The following KCNAB2 variants were observed in gnomAD, a reference collection of about 807,000 sequenced individuals.
KCNAB2 encodes potassium voltage-gated channel subfamily A regulatory beta subunit 2.
KCNAB2 carries 29 observed loss-of-function variants against 63.6 expected under a neutral mutation model. The observed-to-expected ratio is 0.46, with a 90% CI of 0.34 to 0.62. The LOEUF (loss-of-function observed/expected upper bound fraction) is 0.62, where lower values mean the gene tolerates loss of function less well. Ranked by LOEUF, KCNAB2 falls within the 20% of genes least tolerant of loss-of-function variation. The pLI is 0.01. For synonymous variants in KCNAB2, 222 were observed against 224.2 expected (o/e 0.99, Z 0.09); for missense variants, 359 against 563.9 (o/e 0.64, Z 3.68).
chr1:6,060,286 C>T (rs1662202282), intron 2 of KCNAB2, among the ~76,000 whole-genome samples: 2 of 152,234 alleles, frequency 1.3e-5, no homozygotes, highest in African/African-American at 4.8e-5. Flanking sequence ...ACACGGGTGG[C>T]TCAGGCCTTT....
At chr1:6,081,450 C>A (rs570984238) in intron 4 of KCNAB2, among the ~76,000 whole-genome samples, 1 of 152,358 alleles carries the variant, frequency 6.6e-6, no homozygotes, top group African/African-American at 2.4e-5. Flanking sequence ...CAGCAACATC[C>A]ACAGAGCCCC....
intron 5 of KCNAB2, among the ~76,000 whole-genome samples, chr1:6,082,800 C>G (rs369824406): frequency 3.3e-5 from 5 of 152,222 alleles, no homozygotes; most frequent in Non-Finnish European, 5.9e-5. Context: ...TCTCCTGCAT[C>G]GGGTTTCCAG....
chr1:6,070,298 C>T (rs1208484835), intron 2 of KCNAB2, among the ~76,000 whole-genome samples: 1 of 152,234 alleles, frequency 6.6e-6, no homozygotes, highest in African/African-American at 2.4e-5. Flanking sequence ...ATCAGAACCT[C>T]CAGCCCTTTG....
rs1161740317 is a variant in KCNAB2 at position 6,086,422 on chromosome 1, C to G, written c.426-1045C>G. On this transcript the variant is annotated intron_variant, in intron 6 of 15. Coordinates refer to ENST00000378083, the MANE Select transcript of KCNAB2 (RefSeq NM_001199862.2). This position sits in a 1 kb window ranked among gnomAD's most constrained non-coding sequence, Gnocchi z 4.2. ...GTGCATGGAGGTGGTGTGGGGTGAT[C>G]CCCCTTCCTGGAGGTGACGCTGCCT... 57 of 974,036 alleles carry G rather than the reference C, an allele frequency of 5.9e-5. No homozygotes were observed. The highest frequency in any genetic ancestry group is 6.5e-5 in the Non-Finnish European group (53 of 819,714). 60.3% of individuals were successfully genotyped at this position (974,036 alleles called of 1,614,324 possible). A position where few individuals can be genotyped will look rare whatever the true frequency, so the allele number is the denominator to read the frequency against.
intron 2 of KCNAB2, among the ~76,000 whole-genome samples, chr1:6,062,645 G>T (rs183648302): frequency 3.2e-4 from 49 of 152,246 alleles, no homozygotes; most frequent in Non-Finnish European, 5.4e-4. Context: ...TGTGCTGGGG[G>T]CCTAGCTTCA....
chr1:6,047,448 G>A (rs1661021596), intron 1 of KCNAB2, among the ~76,000 whole-genome samples: 1 of 152,148 alleles, frequency 6.6e-6, no homozygotes, highest in African/African-American at 2.4e-5. Context: ...CCCTGGGGCA[G>A]CCCTCCCAGA....
chr1:6,089,842 T>C (rs1035739018), intron 8 of KCNAB2, among the ~76,000 whole-genome samples: 5 of 152,300 alleles, frequency 3.3e-5, no homozygotes, highest in African/African-American at 9.6e-5. Flanking sequence ...GGATTACAGG[T>C]GCCCACCACC....
rs1354015818 is a variant in KCNAB2, at chr1:6,005,380, A to G, written c.-53+12592A>G. ...GGAGCTGAGCTGAGGAGTGAGGGTG[A>G]ACTGGGGGATGTGGGAGCTGAGCTG... On this transcript the variant is annotated intron_variant, in intron 1 of 16. Transcript: ENST00000341524. Among the ~76,000 whole-genome samples, 13 of 29,398 alleles carry G rather than the reference A, an allele frequency of 4.4e-4. 2 individuals are homozygous for G. Among genetic ancestry groups the G allele is most frequent in the African/African-American group, 5.5e-4 (3 of 5,410 alleles). 19.3% of individuals were successfully genotyped at this position (29,398 alleles called of 152,430 possible).
rs1665896227 is a variant in KCNAB2 at position 6,099,551 on chromosome 1, G to A, written c.*977G>A. On this transcript the variant is annotated 3_prime_UTR_variant, in exon 16 of 16. Coordinates refer to ENST00000378083, the MANE Select transcript of KCNAB2 (RefSeq NM_001199862.2). Reference sequence around the variant, plus strand: ...AGGGGCCGGCCCTGTGCACAAGGATGCACTCCTCTCGGCCCCTGTAGACTT... The same window carrying A: ...AGGGGCCGGCCCTGTGCACAAGGATACACTCCTCTCGGCCCCTGTAGACTT... 11 of 461,638 alleles carry A rather than the reference G, an allele frequency of 2.4e-5. No homozygotes were observed. The highest frequency in any genetic ancestry group is 4.1e-5 in the Non-Finnish European group (11 of 265,732). The allele number at this position is 461,638 out of a possible 1,614,324, so 28.6% of individuals were successfully genotyped here.
chr1:6,095,866 C>CG lies in KCNAB2; in HGVS notation c.948+242_948+243insG, dbSNP rs1282179823. Among the ~76,000 whole-genome samples the CG allele has an allele frequency of 3.5e-5, 3 of 86,914 alleles. No individual in the cohort carries two copies. In the East Asian group the frequency reaches 1.0e-3, roughly 30 times the overall value. 57.0% of individuals were successfully genotyped at this position (86,914 alleles called of 152,430 possible). A position where few individuals can be genotyped will look rare whatever the true frequency, so the allele number is the denominator to read the frequency against. On this transcript the variant is annotated intron_variant, in intron 13 of 15. Transcript: ENST00000378083. ...CCAAGTGGAGAGGCCCTTTCACATC[C>CG]CCCCCCCTGCCCCCACCACATCCCC... is the stretch of plus-strand genomic sequence containing the variant.
At chr1:6,020,741 G>A (rs1397605399) in intron 1 of KCNAB2, among the ~76,000 whole-genome samples, 1 of 152,040 alleles carries the variant, frequency 6.6e-6, no homozygotes, top group Admixed American at 6.5e-5. Context: ...ATCTCGGCTC[G>A]CTGCAACCTC....
intron 7 of KCNAB2, 142 bp from the exon 8 acceptor site, chr1:6,088,866 C>G (rs1164407569): frequency 2.6e-6 from 2 of 775,930 alleles, no homozygotes; most frequent in African/African-American, 1.8e-5. Context: ...CCTCGGGTCC[C>G]TACCCCCAAA....
Position 6,095,358 on chromosome 1 carries a change from C to G in KCNAB2, c.768C>G (p.Thr256=), listed in dbSNP as rs1157429799. ...CCGTGGCCCGGCAGTTCAACCTGAC[C>G]CCGCCCATCTGCGAGCAGGCTGAGT... ...AYSVARQFNL[T]PPICEQAEYH... is the part of the protein sequence containing the mutation. Residue 256 remains threonine, a synonymous_variant, in exon 12 of 16, where the codon ACC becomes ACG. Coordinates refer to ENST00000378083, the MANE Select transcript of KCNAB2 (RefSeq NM_001199862.2). The G allele has an allele frequency of 5.0e-6, 8 of 1,612,852 alleles. No individual in the cohort carries two copies. Among genetic ancestry groups the G allele is most frequent in the African/African-American group, 1.3e-5 (1 of 74,942 alleles).
At position 6,096,775 on chromosome 1, in the gene KCNAB2, T is replaced by G. The variant is rs1665676290; in HGVS notation, c.1069+19T>G. 1 of 1,554,236 alleles carries G rather than the reference T, an allele frequency of 6.4e-7. No individual in the cohort carries two copies. The highest frequency in any genetic ancestry group is 1.9e-5 in the Admixed American group (1 of 52,122). Reference sequence around the variant, plus strand: ...GCCATAGGTAACGGTGGGGTCGCCATGGGGCCAGTGCCCCTGGGGAGAACC... The same window carrying G: ...GCCATAGGTAACGGTGGGGTCGCCAGGGGGCCAGTGCCCCTGGGGAGAACC... On this transcript the variant is annotated intron_variant, in intron 14 of 15. Coordinates refer to ENST00000378083, the MANE Select transcript of KCNAB2 (RefSeq NM_001199862.2). This position sits in a 1 kb window ranked among gnomAD's most constrained non-coding sequence, Gnocchi z 5.9.
At position 6,071,783 on chromosome 1, in the gene KCNAB2, C is replaced by G. The variant is rs1663214859; in HGVS notation, c.219-972C>G. On this transcript the variant is annotated intron_variant, in intron 2 of 15. Coordinates refer to ENST00000378083, the MANE Select transcript of KCNAB2 (RefSeq NM_001199862.2). This position sits in a 1 kb window ranked among gnomAD's most constrained non-coding sequence, Gnocchi z 8.5. ...TGGGCTCCTCCTGCCGCGTGGGCTC[C>G]TCCTGCCACATAGGGCACCTCCTGC... Among the ~76,000 whole-genome samples the G allele has an allele frequency of 6.6e-6, 1 of 151,644 alleles. No homozygotes were observed. The highest frequency in any genetic ancestry group is 1.5e-5 in the Non-Finnish European group (1 of 67,780).
rs1270039296 is a variant in KCNAB2 at position 6,100,515 on chromosome 1, G to A, written c.*1941G>A. On this transcript the variant is annotated 3_prime_UTR_variant, in exon 16 of 16. Coordinates refer to ENST00000378083, the MANE Select transcript of KCNAB2 (RefSeq NM_001199862.2). ...GCCCACCCTCGCCATCAGGGAGGGT[G>A]GCTGGCCCCATCCCCACTGCCACCC... 1.3e-5 allele frequency: 2 copies of A among 153,466 alleles called. No individual in the cohort carries two copies. Among genetic ancestry groups the A allele is most frequent in the East Asian group, 3.8e-4 (2 of 5,208 alleles). 9.5% of individuals were successfully genotyped at this position (153,466 alleles called of 1,614,324 possible).
At chr1:6,007,291 A>AC in intron 1 of KCNAB2, 1 of 152,392 alleles carries the variant, frequency 6.6e-6, no homozygotes, top group Non-Finnish European at 1.5e-5. Context: ...CCAAGTGGCC[A>AC]AGAGACCACT....
chr1:6,098,665 G>C lies in KCNAB2; in HGVS notation c.*91G>C, dbSNP rs777746058. The C allele has an allele frequency of 1.3e-6, 2 of 1,488,614 alleles. No individual in the cohort carries two copies. Among genetic ancestry groups the C allele is most frequent in the Non-Finnish European group, 1.8e-6 (2 of 1,095,924 alleles). 92.2% of individuals were successfully genotyped at this position (1,488,614 alleles called of 1,614,324 possible). A position where few individuals can be genotyped will look rare whatever the true frequency, so the allele number is the denominator to read the frequency against. The stretch of plus-strand genomic sequence containing the variant: ...TGTTTTGAAGCCAAGTGAAGAGTGT[G>C]GTTTGCATCCAAGAGAAAACACCAC... On this transcript the variant is annotated 3_prime_UTR_variant, in exon 16 of 16. Transcript: ENST00000378083.
At chr1:6,088,332 A>G (rs1042742497) in intron 7 of KCNAB2, among the ~76,000 whole-genome samples, 8 of 151,808 alleles carry the variant, frequency 5.3e-5, no homozygotes, top group Non-Finnish European at 1.2e-4. Context: ...CCTGGGTTCA[A>G]GTGACCTTCC....
Sources: allele counts gnomAD v4.1 joint callset (sites outside exome capture counted in the v4.1 genomes callset), GRCh38; gene constraint gnomAD v4.1.1; non-coding constraint Gnocchi (gnomAD v3.1); transcripts MANE v1.5; gene names NCBI Gene and HGNC (gene_info 2026-07-23, HGNC 2026-07-21).